ETFDH: variants seen among roughly 807,000 people sequenced by gnomAD.
ETFDH encodes electron transfer flavoprotein dehydrogenase.
ETFDH carries 61 observed loss-of-function variants against 73.2 expected under a neutral mutation model. That is an observed-to-expected ratio of 0.83 (90% CI 0.68 to 1.03). ETFDH has a LOEUF of 1.03. ETFDH is among the 50% of genes least tolerant of loss of function. ETFDH has a pLI of 0.00. For missense variants in ETFDH, 685 were observed against 745.0 expected (o/e 0.92, Z 0.94); for synonymous variants, 243 against 253.3 (o/e 0.96, Z 0.39).
Position 158,703,497 on chromosome 4 carries a change from C to G in ETFDH, c.1191C>G (p.Ile397Met). 6.2e-7 allele frequency: 1 copy of G among 1,607,716 alleles called. No homozygotes were observed. The highest frequency in any genetic ancestry group is 1.1e-5 in the South Asian group (1 of 90,954). ...CSPGFMNVPK[I>M]KGTHTAMKSG... ...CTGGTTTTATGAATGTTCCCAAGAT[C>G]AAAGGTACTCACACAGCAATGAAAA... is the stretch of plus-strand genomic sequence containing the variant. The change falls in exon 10 of 13, where the codon ATC becomes ATG. Residue 397 changes from isoleucine to methionine, a missense_variant. Around this residue, in one of 3 missense-constraint regions of ETFDH, gnomAD observed 79 missense variants for 120.5 expected, o/e 0.66. Coordinates refer to ENST00000511912, the MANE Select transcript of ETFDH (RefSeq NM_004453.4).
rs1414537790 is a variant in ETFDH at position 158,708,718 on chromosome 4, TA to T, written c.*192del. 3.5e-6 allele frequency: 2 copies of T among 567,838 alleles called. No individual in the cohort carries two copies. Among genetic ancestry groups the T allele is most frequent in the African/African-American group, 3.8e-5 (2 of 53,230 alleles). 35.2% of individuals were successfully genotyped at this position (567,838 alleles called of 1,614,324 possible). On this transcript the variant is annotated 3_prime_UTR_variant, in exon 13 of 13. Coordinates refer to ENST00000511912, the MANE Select transcript of ETFDH (RefSeq NM_004453.4). ...ACGGGTATTGCTTTTAAATAACCTT[TA>T]TAAGAATGCAGCATCTTCCTACCTC...
At position 158,685,199 on chromosome 4, in the gene ETFDH, C is replaced by A. The variant is rs201067972; in HGVS notation, c.586C>A (p.Pro196Thr). The A allele has an allele frequency of 6.2e-7, 1 of 1,600,340 alleles. No individual in the cohort carries two copies. ...QAEALGVEVY[P>T]GYAAAEVLFH... ...AGAAGCCCTTGGTGTTGAAGTATACCCTGGTTATGCAGCTGCTGAGGTTTG... is the reference window on the plus strand; with the variant it reads ...AGAAGCCCTTGGTGTTGAAGTATACACTGGTTATGCAGCTGCTGAGGTTTG... The change falls in exon 5 of 13, where the codon CCT becomes ACT. Residue 196 changes from proline to threonine, a missense_variant. Around this residue, in one of 3 missense-constraint regions of ETFDH, gnomAD observed 405 missense variants for 399.3 expected, o/e 1.01. Coordinates refer to ENST00000511912, the MANE Select transcript of ETFDH (RefSeq NM_004453.4).
chr4:158,709,535 GAAAC>G lies in ETFDH; in HGVS notation c.*1016_*1019del, dbSNP rs972837539. 3.2e-5 allele frequency: 13 copies of G among 409,016 alleles called. No individual in the cohort carries two copies. Among genetic ancestry groups the G allele is most frequent in the African/African-American group, 1.7e-4 (8 of 47,912 alleles). The allele number at this position is 409,016 out of a possible 1,614,324, so 25.3% of individuals were successfully genotyped here. A position where few individuals can be genotyped will look rare whatever the true frequency, so the allele number is the denominator to read the frequency against. The stretch of plus-strand genomic sequence containing the variant: ...TGACAGAGCAAGACTCCATCTCAAA[GAAAC>G]AAACAAAACCACTTTACTTACTGTA... On this transcript the variant is annotated 3_prime_UTR_variant, in exon 13 of 13. Transcript: ENST00000511912.
chr4:158,704,469 T>C (rs975085124), intron 10 of ETFDH, among the ~76,000 whole-genome samples: 1 of 152,200 alleles, frequency 6.6e-6, no homozygotes, highest in Non-Finnish European at 1.5e-5. Flanking sequence ...GGCTCCTTTG[T>C]TCTCTTTCCC....
rs2150306341 is a variant in ETFDH, at chr4:158,684,663, A to G, written c.477A>G (p.Pro159=). The part of the protein sequence containing the change: ...ILTEKYRIPV[P]ILPGLPMNNH... Reference sequence around the variant, plus strand: ...CAGAGAAATACAGAATTCCTGTGCCAATTCTTCCAGGTAAGGTATAGTGAA... The same window carrying G: ...CAGAGAAATACAGAATTCCTGTGCCGATTCTTCCAGGTAAGGTATAGTGAA... The change falls in exon 4 of 13, where the codon CCA becomes CCG. Residue 159 remains proline, a synonymous_variant. Transcript: ENST00000511912. The G allele has an allele frequency of 6.5e-7, 1 of 1,544,904 alleles. No individual in the cohort carries two copies. Among genetic ancestry groups the G allele is most frequent in the Non-Finnish European group, 9.0e-7 (1 of 1,116,898 alleles).
intron 2 of ETFDH, among the ~76,000 whole-genome samples, chr4:158,681,310 GAA>G (rs1411069179): frequency 6.6e-6 from 1 of 152,052 alleles, no homozygotes; most frequent in Non-Finnish European, 1.5e-5. Flanking sequence ...TAAAAAGAAA[GAA>G]ACTTATAGAA....
At chr4:158,702,642 T>G (rs561210141) in intron 9 of ETFDH, among the ~76,000 whole-genome samples, 1 of 152,310 alleles carries the variant, frequency 6.6e-6, no homozygotes, top group South Asian at 2.1e-4. Context: ...ATGACAATAT[T>G]TCATTTGTTC....
intron 10 of ETFDH, among the ~76,000 whole-genome samples, chr4:158,705,722 G>A (rs975119140): frequency 1.3e-5 from 2 of 152,100 alleles, no homozygotes; most frequent in African/African-American, 4.8e-5. Context: ...TGTCTTTTTG[G>A]AAGATGCCAA....
intron 5 of ETFDH, among the ~76,000 whole-genome samples, chr4:158,689,032 T>C (rs1247162069): frequency 2.0e-5 from 3 of 152,090 alleles, no homozygotes; most frequent in Non-Finnish European, 2.9e-5. Context: ...AAGCAATGGC[T>C]CCAAAGCCCT....
Position 158,672,387 on chromosome 4 carries a change from T to TC in ETFDH, c.-68dup. On this transcript the variant is annotated 5_prime_UTR_variant, in exon 1 of 13. Transcript: ENST00000511912. ...GATGGCGCCCCCCGCGGCCTAGAGG[T>TC]CCAGCGCCCGCCGCGAGCAGCGGAC... is the stretch of plus-strand genomic sequence containing the variant. The TC allele has an allele frequency of 6.4e-7, 1 of 1,562,488 alleles. No individual in the cohort carries two copies. Among genetic ancestry groups the TC allele is most frequent in the South Asian group, 1.1e-5 (1 of 89,942 alleles).
rs1773969792 is a variant in ETFDH, at chr4:158,685,125, A to G, written c.512A>G (p.Asn171Ser). Residue 171 changes from asparagine (N) to serine (S), a missense_variant, in exon 5 of 13, where the codon AAT (asparagine) becomes AGT (serine). Around this residue, in one of 3 missense-constraint regions of ETFDH, gnomAD observed 405 missense variants for 399.3 expected, o/e 1.01. Transcript: ENST00000511912. Reference protein sequence around the residue: ...LPGLPMNNHGNYIVRLGHLVS... With the variant: ...LPGLPMNNHGSYIVRLGHLVS... ...GGGCTTCCAATGAATAATCATGGCA[A>G]TTACATTGTACGCTTGGGACATTTA... 1.9e-6 allele frequency: 3 copies of G among 1,609,490 alleles called. No individual in the cohort carries two copies. Among genetic ancestry groups the G allele is most frequent in the Non-Finnish European group, 1.7e-6 (2 of 1,175,992 alleles).
rs141326128 is a variant in ETFDH, at chr4:158,693,103, C to G, written c.685-2394C>G. Among the ~76,000 whole-genome samples the G allele has an allele frequency of 9.9e-5, 15 of 152,166 alleles. 1 individual carries two copies. In the South Asian group the frequency reaches 1.9e-3, roughly 19 times the overall value. ...ATTCTGTTTAAGGTGTTGTTCCATT[C>G]TCTATTTAACCCACTGTAGCTAAGC... On this transcript the variant is annotated intron_variant, in intron 6 of 12. Coordinates refer to ENST00000511912, the MANE Select transcript of ETFDH (RefSeq NM_004453.4).
chr4:158,675,166 T>C (rs1403560273), intron 1 of ETFDH, among the ~76,000 whole-genome samples: 1 of 152,166 alleles, frequency 6.6e-6, no homozygotes, highest in Non-Finnish European at 1.5e-5. Flanking sequence ...TTTTAGAACA[T>C]TTTCATCACC....
chr4:158,708,190 G>A lies in ETFDH; in HGVS notation c.1691-174G>A, dbSNP rs1021225277. Among the ~76,000 whole-genome samples, 3 of 152,246 alleles carry A rather than the reference G, an allele frequency of 2.0e-5. No individual in the cohort carries two copies. In the East Asian group the frequency reaches 5.8e-4, roughly 29 times the overall value. ...CTGTACCTCCTTTTATTATGTACAT[G>A]TAATTTACACTCACATCAATAGCAA... is the stretch of plus-strand genomic sequence containing the variant. On this transcript the variant is annotated intron_variant, in intron 12 of 12. Coordinates refer to ENST00000511912, the MANE Select transcript of ETFDH (RefSeq NM_004453.4).
At chr4:158,673,132 C>T (rs1210402745) in intron 1 of ETFDH, among the ~76,000 whole-genome samples, 1 of 152,112 alleles carries the variant, frequency 6.6e-6, no homozygotes, top group Non-Finnish European at 1.5e-5. Context: ...TGTGAAACCC[C>T]ATCTCTACTA....
chr4:158,697,749 C>T, intron 8 of ETFDH, 50 bp downstream of exon 8: 1 of 1,503,460 alleles, frequency 6.7e-7, no homozygotes, highest in Non-Finnish European at 9.3e-7. Context: ...GTTATATTAC[C>T]ATCAGTGTTA....
chr4:158,682,120 A>T (rs1773874053), intron 2 of ETFDH, 75 bp from the exon 3 acceptor site: 1 of 1,601,052 alleles, frequency 6.2e-7, no homozygotes, highest in East Asian at 2.2e-5. Context: ...AGCACAGTGG[A>T]TATTTTTTAA....
intron 6 of ETFDH, among the ~76,000 whole-genome samples, chr4:158,693,514 A>G (rs1379176225): frequency 6.6e-6 from 1 of 152,224 alleles, no homozygotes; most frequent in Non-Finnish European, 1.5e-5. Flanking sequence ...AAATATGTTC[A>G]TGAATATTTT....
chr4:158,698,972 G>C lies in ETFDH; in HGVS notation c.973-15G>C. 1.3e-6 allele frequency: 2 copies of C among 1,531,108 alleles called. No individual in the cohort carries two copies. Among genetic ancestry groups the C allele is most frequent in the Non-Finnish European group, 1.8e-6 (2 of 1,106,644 alleles). The allele number at this position is 1,531,108 out of a possible 1,614,324, so 94.8% of individuals were successfully genotyped here. A position where few individuals can be genotyped will look rare whatever the true frequency, so the allele number is the denominator to read the frequency against. On this transcript the variant is annotated splice_polypyrimidine_tract_variant and intron_variant, in intron 8 of 12. Transcript: ENST00000511912. ...AATAAAAATGTCTAATTAAATATAA[G>C]TGTAAATTTTTAAGGTTGGTCTAGA...
Sources: allele counts gnomAD v4.1 joint callset (sites outside exome capture counted in the v4.1 genomes callset), GRCh38; gene constraint gnomAD v4.1.1; regional missense constraint gnomAD v4.1.1; transcripts MANE v1.5; gene names NCBI Gene and HGNC (gene_info 2026-07-23, HGNC 2026-07-21).